Variants in CDH18 observed in about 807,000 individuals in gnomAD.
CDH18 encodes the protein cadherin 18.
Under a neutral mutation model 67.9 loss-of-function variants are expected in CDH18, and 31 were observed. The ratio of observed to expected loss-of-function variants is 0.46; its 90% CI spans 0.34 to 0.62. CDH18 has a LOEUF of 0.62. Among genes scored for constraint, CDH18 ranks in the 20% least tolerant of loss-of-function variants. CDH18 has a pLI of 0.01. For missense variants in CDH18, 890 were observed against 975.5 expected (o/e 0.91, Z 1.17); for synonymous variants, 362 against 347.2 (o/e 1.04, Z -0.48).
chr5:19,753,095 A>G (rs543785532), intron 3 of CDH18, among the ~76,000 whole-genome samples: 3 of 152,110 alleles, frequency 2.0e-5, no homozygotes, highest in African/African-American at 7.2e-5. Context: ...CAGAAAACCA[A>G]CTCTGGTAAT....
At chr5:20,215,221 C>T (rs868184900) in intron 2 of CDH18, among the ~76,000 whole-genome samples, 2 of 151,812 alleles carry the variant, frequency 1.3e-5, no homozygotes, top group South Asian at 4.2e-4. Flanking sequence ...TTCCTAATGG[C>T]CTATTACTCA....
At chr5:20,079,278 C>T (rs572256551) in intron 2 of CDH18, among the ~76,000 whole-genome samples, 14 of 152,232 alleles carry the variant, frequency 9.2e-5, no homozygotes, top group East Asian at 3.9e-4. Flanking sequence ...ATGAGTTTGA[C>T]GTCTTTAGAT....
chr5:20,487,789 A>G (rs1753294683), intron 1 of CDH18, among the ~76,000 whole-genome samples: 2 of 151,892 alleles, frequency 1.3e-5, no homozygotes, highest in South Asian at 4.1e-4. Context: ...TATACTATTT[A>G]ATAGTATTAT....
At chr5:20,096,092 T>C (rs1318823686) in intron 2 of CDH18, among the ~76,000 whole-genome samples, 1 of 152,078 alleles carries the variant, frequency 6.6e-6, no homozygotes, top group East Asian at 1.9e-4. Flanking sequence ...ATTTAAGAGA[T>C]ATTGACTAAA....
At chr5:20,570,714 C>T (rs971950385) in intron 1 of CDH18, among the ~76,000 whole-genome samples, 1 of 152,144 alleles carries the variant, frequency 6.6e-6, no homozygotes, top group Non-Finnish European at 1.5e-5. Context: ...AGGTACATGA[C>T]TCAAGACAGA....
intron 2 of CDH18, among the ~76,000 whole-genome samples, chr5:19,846,504 T>C (rs1332140515): frequency 2.6e-5 from 4 of 152,128 alleles, no homozygotes; most frequent in Admixed American, 1.3e-4. Flanking sequence ...AGTTGACCCT[T>C]GAACAGCATA....
intron 10 of CDH18, among the ~76,000 whole-genome samples, chr5:19,505,687 A>G (rs1026286816): frequency 2.0e-5 from 3 of 152,078 alleles, no homozygotes; most frequent in African/African-American, 7.2e-5. Flanking sequence ...CATGGTGGAT[A>G]AGCTTTTTGA....
chr5:19,791,469 G>T (rs1776352249), intron 3 of CDH18, among the ~76,000 whole-genome samples: 1 of 151,600 alleles, frequency 6.6e-6, no homozygotes. Context: ...TTCAAAATAA[G>T]AAATGTATTA....
chr5:19,984,679 T>C (rs1235431119), intron 1 of CDH18, among the ~76,000 whole-genome samples: 1 of 152,160 alleles, frequency 6.6e-6, no homozygotes, highest in African/African-American at 2.4e-5. Flanking sequence ...GTATAAAACC[T>C]TGTATATTGG....
intron 2 of CDH18, among the ~76,000 whole-genome samples, chr5:20,092,933 T>G (rs1745566167): frequency 6.6e-6 from 1 of 152,144 alleles, no homozygotes; most frequent in African/African-American, 2.4e-5. Context: ...TAAATAAAAT[T>G]TACTACTGAT....
At chr5:19,944,822 T>C (rs1029582608) in intron 2 of CDH18, among the ~76,000 whole-genome samples, 2 of 152,066 alleles carry the variant, frequency 1.3e-5, no homozygotes, top group African/African-American at 4.8e-5. Flanking sequence ...TTCCAAAAGC[T>C]GGAAAGACAA....
chr5:19,708,327 A>G (rs919542796), intron 5 of CDH18, among the ~76,000 whole-genome samples: 1 of 152,222 alleles, frequency 6.6e-6, no homozygotes, highest in Non-Finnish European at 1.5e-5. Flanking sequence ...CTGTGATTTC[A>G]ATGATGACTG....
chr5:19,686,684 C>T (rs1449107530), intron 5 of CDH18, among the ~76,000 whole-genome samples: 1 of 152,094 alleles, frequency 6.6e-6, no homozygotes, highest in Non-Finnish European at 1.5e-5. Flanking sequence ...AACTGTGGAA[C>T]ACATTGTGTT....
At chr5:20,073,445 A>G (rs546734272) in intron 2 of CDH18, among the ~76,000 whole-genome samples, 1 of 152,058 alleles carries the variant, frequency 6.6e-6, no homozygotes, top group East Asian at 1.9e-4. Flanking sequence ...TGCATTTTGA[A>G]CCAGAATTTT....
intron 1 of CDH18, among the ~76,000 whole-genome samples, chr5:20,311,538 C>T (rs1028551668): frequency 3.3e-5 from 5 of 152,044 alleles, no homozygotes; most frequent in East Asian, 1.9e-4. Flanking sequence ...AGCAAACTAT[C>T]GCTAGAACAG....
chr5:20,113,827 G>T (rs1452273315), intron 2 of CDH18, among the ~76,000 whole-genome samples: 1 of 152,194 alleles, frequency 6.6e-6, no homozygotes, highest in African/African-American at 2.4e-5. Flanking sequence ...GGAGATGGCA[G>T]GTGCAGGGGA....
chr5:19,991,585 G>A (rs1460489058), upstream of CDH18, among the ~76,000 whole-genome samples: 2 of 152,094 alleles, frequency 1.3e-5, no homozygotes, highest in Non-Finnish European at 2.9e-5. Context: ...AAGAACTATA[G>A]TTTGTGTATT....
At chr5:20,573,782 C>G (rs1209795336) in intron 1 of CDH18, among the ~76,000 whole-genome samples, 1 of 139,050 alleles carries the variant, frequency 7.2e-6, no homozygotes, top group Admixed American at 7.7e-5. Flanking sequence ...TGGCATTTGT[C>G]CCCCAAATAT....
chr5:19,643,140 T>A (rs1754260586), intron 5 of CDH18, among the ~76,000 whole-genome samples: 1 of 152,084 alleles, frequency 6.6e-6, no homozygotes, highest in Admixed American at 6.6e-5. Context: ...GAGATATTAC[T>A]TTAGCCCTCT....
Sources: allele counts gnomAD v4.1 joint callset (sites outside exome capture counted in the v4.1 genomes callset), GRCh38; gene constraint gnomAD v4.1.1; transcripts MANE v1.5; gene names NCBI Gene and HGNC (gene_info 2026-07-23, HGNC 2026-07-21).